The following DLG2 variants were observed in gnomAD, a reference collection of about 807,000 sequenced individuals.
The protein encoded by DLG2 is discs large MAGUK scaffold protein 2, also known as disks large homolog 2.
In DLG2, 45 loss-of-function variants were observed where a neutral mutation model predicts 132.5. The observed-to-expected ratio is 0.34, with a 90% CI of 0.27 to 0.44. DLG2 has a LOEUF of 0.44. Ranked by LOEUF, DLG2 falls within the 20% of genes least tolerant of loss-of-function variation. The pLI is 1.00. For missense variants in DLG2, 1,045 were observed against 1,196.9 expected (o/e 0.87, Z 1.87); for synonymous variants, 424 against 419.6 (o/e 1.01, Z -0.13).
chr11:83,796,696 A>G (rs1204558141), intron 17 of DLG2, among the ~76,000 whole-genome samples: 1 of 152,212 alleles, frequency 6.6e-6, no homozygotes, highest in Admixed American at 6.5e-5. Context: ...TCACTGTACT[A>G]TCTTTTAATG....
intron 11 of DLG2, among the ~76,000 whole-genome samples, chr11:83,998,278 T>C (rs2094155980): frequency 6.6e-6 from 1 of 152,188 alleles, no homozygotes; most frequent in South Asian, 2.1e-4. Context: ...TGTAAAGCAA[T>C]ATAAAATATT....
intron 18 of DLG2, among the ~76,000 whole-genome samples, chr11:83,761,258 C>T (rs563959203): frequency 2.0e-5 from 3 of 152,290 alleles, no homozygotes; most frequent in South Asian, 2.1e-4. Flanking sequence ...AAGGACACCC[C>T]GTCTAGGAGG....
chr11:85,452,071 AAAAATACAAACTG>A (rs1178774147), intron 3 of DLG2, among the ~76,000 whole-genome samples: 2 of 152,160 alleles, frequency 1.3e-5, no homozygotes, highest in African/African-American at 4.8e-5. Context: ...TCTTTAAAGA[AAAAATACAAACTG>A]TGGTATTTTT....
Position 84,082,212 on chromosome 11 carries a change from AAAATT to A in DLG2, c.749+16706_749+16710del, listed in dbSNP as rs1404062063. On this transcript the variant is annotated intron_variant, in intron 10 of 27. Coordinates refer to ENST00000376104, the MANE Select transcript of DLG2 (RefSeq NM_001142699.3). ...AATTCTGGCAGAAACTCTACAAGCC[AAAATT>A]TACAAAATATTTTTAAAGTACAATG... Among the ~76,000 whole-genome samples the A allele has an allele frequency of 5.9e-5, 9 of 152,304 alleles. No homozygotes were observed. In the East Asian group the frequency reaches 1.7e-3, roughly 29 times the overall value.
At chr11:85,176,546 G>A (rs1005099770) in intron 4 of DLG2, among the ~76,000 whole-genome samples, 5 of 152,108 alleles carry the variant, frequency 3.3e-5, no homozygotes, top group Non-Finnish European at 5.9e-5. Context: ...TTAGGACATA[G>A]GCACTGGCAA....
At chr11:84,717,896 C>T (rs2061401137) in intron 6 of DLG2, among the ~76,000 whole-genome samples, 1 of 151,990 alleles carries the variant, frequency 6.6e-6, no homozygotes, top group Non-Finnish European at 1.5e-5. Context: ...ATTGCTGTGG[C>T]CACTTTACAT....
intron 12 of DLG2, among the ~76,000 whole-genome samples, chr11:83,969,543 C>T (rs1438438506): frequency 6.6e-6 from 1 of 152,080 alleles, no homozygotes; most frequent in Non-Finnish European, 1.5e-5. Context: ...AGGGCCATTA[C>T]CACTTGTGCT....
chr11:85,453,374 G>T, intron 3 of DLG2: 1 of 214,306 alleles, frequency 4.7e-6, no homozygotes, highest in Non-Finnish European at 9.9e-6. Flanking sequence ...TTGAATCTGA[G>T]TTTCTTCTCT....
At chr11:84,088,120 GT>G (rs1457480796) in intron 10 of DLG2, among the ~76,000 whole-genome samples, 1 of 152,048 alleles carries the variant, frequency 6.6e-6, no homozygotes, top group Non-Finnish European at 1.5e-5. Flanking sequence ...AAAGCACAAA[GT>G]TTTTAATTGA....
chr11:84,895,712 G>T (rs756119565), intron 6 of DLG2, among the ~76,000 whole-genome samples: 1 of 152,104 alleles, frequency 6.6e-6, no homozygotes, highest in Non-Finnish European at 1.5e-5. Context: ...CTGTTTCTCT[G>T]AGGCAATATT....
intron 6 of DLG2, among the ~76,000 whole-genome samples, chr11:85,061,231 A>C (rs987868148): frequency 6.6e-6 from 1 of 151,728 alleles, no homozygotes; most frequent in African/African-American, 2.4e-5. Context: ...AGTTTGATAT[A>C]GTCCCACTTG....
intron 18 of DLG2, among the ~76,000 whole-genome samples, chr11:83,695,175 G>A (rs1313316714): frequency 8.5e-5 from 13 of 152,158 alleles, no homozygotes; most frequent in African/African-American, 3.1e-4. Context: ...GAAGGGTTAT[G>A]GAAGCTATAT....
At chr11:83,694,189 T>C (rs959648689) in intron 18 of DLG2, among the ~76,000 whole-genome samples, 1 of 152,188 alleles carries the variant, frequency 6.6e-6, no homozygotes, top group Non-Finnish European at 1.5e-5. Flanking sequence ...CTCACCACCA[T>C]GCCCTTCAAG....
chr11:85,362,545 C>G (rs1322914938), intron 3 of DLG2, among the ~76,000 whole-genome samples: 2 of 151,848 alleles, frequency 1.3e-5, no homozygotes, highest in East Asian at 3.9e-4. Context: ...GATATAAGAT[C>G]ATATCATCAG....
chr11:84,106,478 A>G (rs2092922736), intron 9 of DLG2, among the ~76,000 whole-genome samples: 1 of 152,204 alleles, frequency 6.6e-6, no homozygotes, highest in East Asian at 1.9e-4. Context: ...TTTAAATGCT[A>G]TCTAATAATG....
chr11:83,840,984 C>T (rs530975273), intron 16 of DLG2, among the ~76,000 whole-genome samples: 2 of 152,246 alleles, frequency 1.3e-5, no homozygotes, highest in African/African-American at 4.8e-5. Flanking sequence ...CTGCTCAAGA[C>T]CCATGATCTT....
rs183986102 is a variant in DLG2 at position 84,430,013 on chromosome 11, A to G, written c.519+104557T>C. ...ATCCAACTGAAGGTAGGTTTAAAGA[A>G]GAACATAAAATATGAGTTGGGGCTA... On this transcript the variant is annotated intron_variant, in intron 7 of 27. Coordinates refer to ENST00000376104, the MANE Select transcript of DLG2 (RefSeq NM_001142699.3). 3.8e-3 allele frequency among the ~76,000 whole-genome samples: 578 copies of G among 152,356 alleles called. 7 individuals carry two copies. The highest frequency in any genetic ancestry group is 2.7e-3 in the Admixed American group (42 of 15,310).
At chr11:85,003,616 A>T (rs1444660034) in intron 6 of DLG2, among the ~76,000 whole-genome samples, 12 of 152,116 alleles carry the variant, frequency 7.9e-5, no homozygotes, top group Admixed American at 7.9e-4. Context: ...AGGGTATATT[A>T]CTTCAGCTTG....
At chr11:83,909,370 T>C (rs80148027) in intron 15 of DLG2, among the ~76,000 whole-genome samples, 10,203 of 152,242 alleles carry the variant, frequency 0.067, 448 homozygotes, top group African/African-American at 0.12. Context: ...TTTTTGCAAA[T>C]AGTAATTAAT....
Sources: allele counts gnomAD v4.1 joint callset (sites outside exome capture counted in the v4.1 genomes callset), GRCh38; gene constraint gnomAD v4.1.1; transcripts MANE v1.5; gene names NCBI Gene and HGNC (gene_info 2026-07-23, HGNC 2026-07-21).